Variants in PRKAR1B observed in about 807,000 individuals in gnomAD.
PRKAR1B encodes cAMP-dependent protein kinase type I-beta regulatory subunit.
A neutral mutation model predicts 46.5 loss-of-function variants in PRKAR1B; 22 were observed. The observed-to-expected ratio is 0.47, with a 90% CI of 0.34 to 0.68. The LOEUF is 0.68. Among genes scored for constraint, PRKAR1B ranks in the 30% least tolerant of loss-of-function variants. PRKAR1B has a pLI of 0.01. For missense variants in PRKAR1B, 445 were observed against 535.6 expected, an observed-to-expected ratio of 0.83 and a Z score of 1.67; for synonymous variants, 259 against 217.7, an observed-to-expected ratio of 1.19 and a Z score of -1.67.
chr7:550,557 A>G lies in PRKAR1B; in HGVS notation c.1019T>C (p.Val340Ala). 6.2e-7 allele frequency: 1 copy of G among 1,600,552 alleles called. No homozygotes were observed. The highest frequency in any genetic ancestry group is 8.5e-7 in the Non-Finnish European group (1 of 1,174,920). Residue 340 changes from valine to alanine, a missense_variant, in exon 11 of 11, where the codon GTG (valine) becomes GCG (alanine). Around this residue, in one of 5 missense-constraint regions of PRKAR1B, gnomAD observed 127 missense variants for 138.0 expected, o/e 0.92. Coordinates refer to ENST00000537384, the MANE Select transcript of PRKAR1B (RefSeq NM_001164760.2). ...LLNRPRAATVVARGPLKCVKL... is the reference protein window; with the variant it reads ...LLNRPRAATVAARGPLKCVKL... ...CACACACTTGAGGGGCCCCCGGGCC[A>G]CGACAGTGGCCGCCCGGGGCCGGTT...
At chr7:613,738 C>T (rs1193091696) in intron 4 of PRKAR1B, among the ~76,000 whole-genome samples, 1 of 152,234 alleles carries the variant, frequency 6.6e-6, no homozygotes, top group African/African-American at 2.4e-5. Flanking sequence ...ACCTGGAAAA[C>T]ACCATCAGCT....
At chr7:596,826 C>T (rs1781293645) in intron 6 of PRKAR1B, among the ~76,000 whole-genome samples, 2 of 152,252 alleles carry the variant, frequency 1.3e-5, no homozygotes, top group African/African-American at 2.4e-5. Flanking sequence ...CACTGGGCCC[C>T]GAAGGAGCCG....
intron 4 of PRKAR1B, among the ~76,000 whole-genome samples, chr7:656,086 G>A (rs1235156852): frequency 6.6e-6 from 1 of 152,214 alleles, no homozygotes; most frequent in Non-Finnish European, 1.5e-5. Flanking sequence ...CTACATCTGT[G>A]AGCACGATTT....
chr7:658,420 G>C (rs1024685159), intron 4 of PRKAR1B, among the ~76,000 whole-genome samples: 1 of 152,208 alleles, frequency 6.6e-6, no homozygotes, highest in African/African-American at 2.4e-5. Flanking sequence ...GGGCAATAGA[G>C]TGAGACCTTG....
chr7:588,754 T>C (rs1157082313), intron 7 of PRKAR1B, among the ~76,000 whole-genome samples: 22 of 54,682 alleles, frequency 4.0e-4, no homozygotes, highest in African/African-American at 8.8e-4. Context: ...GTGATGGTGA[T>C]GGTGATGGTG....
At chr7:654,284 A>G (rs560922263) in intron 4 of PRKAR1B, among the ~76,000 whole-genome samples, 94 of 150,778 alleles carry the variant, frequency 6.2e-4, no homozygotes, top group African/African-American at 2.2e-3. Flanking sequence ...CTTCACCACC[A>G]TCACCATCAT....
chr7:623,336 A>T (rs1471358030), intron 4 of PRKAR1B, among the ~76,000 whole-genome samples: 1 of 152,168 alleles, frequency 6.6e-6, no homozygotes, highest in Non-Finnish European at 1.5e-5. Flanking sequence ...AACCACAAAC[A>T]TGTGGTAACA....
Position 714,715 on chromosome 7 carries a change from G to A in PRKAR1B, c.-22-3188C>T, listed in dbSNP as rs1173509254. Among the ~76,000 whole-genome samples the A allele has an allele frequency of 6.6e-6, 1 of 152,216 alleles. No individual in the cohort carries two copies. The highest frequency in any genetic ancestry group is 1.5e-5 in the Non-Finnish European group (1 of 68,050). ...AGGCCTCTCTTGCTTCAGCCTTACT[G>A]GCTTGAGCCAAGGACAGACGCTTCC... On this transcript the variant is annotated intron_variant, in intron 1 of 10. Transcript: ENST00000537384. The surrounding 1 kb of genome is among the most constrained non-coding windows in gnomAD (Gnocchi z 4.3).
intron 2 of PRKAR1B, among the ~76,000 whole-genome samples, chr7:698,654 C>T (rs1224482922): frequency 2.6e-5 from 4 of 151,910 alleles, no homozygotes; most frequent in Admixed American, 1.3e-4. Context: ...AAACACACCC[C>T]TTACATCCAC....
chr7:647,923 G>A (rs188665204), intron 4 of PRKAR1B, among the ~76,000 whole-genome samples: 33 of 151,244 alleles, frequency 2.2e-4, no homozygotes, highest in Non-Finnish European at 4.6e-4. Flanking sequence ...GCTTTGAGAC[G>A]CTGCTTGAGG....
chr7:582,343 A>G (rs1780235289), intron 8 of PRKAR1B, among the ~76,000 whole-genome samples: 1 of 152,272 alleles, frequency 6.6e-6, no homozygotes, highest in Non-Finnish European at 1.5e-5. Context: ...GTGTGGGGAC[A>G]GAAATGCCGA....
intron 4 of PRKAR1B, among the ~76,000 whole-genome samples, chr7:626,046 A>G (rs1783381159): frequency 6.6e-6 from 1 of 151,762 alleles, no homozygotes; most frequent in Non-Finnish European, 1.5e-5. Context: ...GAAAAACTCT[A>G]TGACTACACA....
chr7:696,219 T>C (rs961337409), intron 2 of PRKAR1B, among the ~76,000 whole-genome samples: 1 of 151,926 alleles, frequency 6.6e-6, no homozygotes, highest in African/African-American at 2.4e-5. Context: ...TGTCTTGACC[T>C]CCCAAAGTGC....
intron 9 of PRKAR1B, among the ~76,000 whole-genome samples, chr7:570,652 C>G (rs1332552177): frequency 1.3e-5 from 2 of 152,182 alleles, no homozygotes; most frequent in African/African-American, 4.8e-5. Context: ...GGCAAAGCAG[C>G]TGGACTATCT....
chr7:580,935 C>T (rs958128800), intron 8 of PRKAR1B, among the ~76,000 whole-genome samples: 2 of 152,068 alleles, frequency 1.3e-5, no homozygotes, highest in African/African-American at 4.8e-5. Context: ...ACCCCAGGGC[C>T]GGGCAGATTC....
chr7:707,753 T>A lies in PRKAR1B; in HGVS notation c.177+3576A>T, dbSNP rs192313712. ...GTGAAGATGAAGGCAGGACCCGCGA[T>A]GCGTCTACCAGCCTGGACCACCCAC... On this transcript the variant is annotated intron_variant, in intron 2 of 10. Transcript: ENST00000537384. Among the ~76,000 whole-genome samples, 194 of 152,290 alleles carry A rather than the reference T, an allele frequency of 1.3e-3. 1 individual carries two copies. The highest frequency in any genetic ancestry group is 4.5e-3 in the African/African-American group (185 of 41,558).
intron 2 of PRKAR1B, among the ~76,000 whole-genome samples, chr7:687,416 T>A (rs983762950): frequency 2.0e-5 from 3 of 151,858 alleles, no homozygotes; most frequent in Admixed American, 6.6e-5. Context: ...CAAAAAAACA[T>A]AAAAATTGGA....
intron 2 of PRKAR1B, among the ~76,000 whole-genome samples, chr7:707,680 GA>G (rs1780401726): frequency 6.6e-6 from 1 of 152,172 alleles, no homozygotes; most frequent in African/African-American, 2.4e-5. Context: ...GTGTCCCTAT[GA>G]GAAGGGGAAA....
At chr7:672,627 G>T (rs542970399) in intron 4 of PRKAR1B, among the ~76,000 whole-genome samples, 26 of 151,924 alleles carry the variant, frequency 1.7e-4, no homozygotes, top group Non-Finnish European at 2.8e-4. Context: ...TAGCACTTTG[G>T]GGGGCTGAGG....
Sources: allele counts gnomAD v4.1 joint callset (sites outside exome capture counted in the v4.1 genomes callset), GRCh38; gene constraint gnomAD v4.1.1; regional missense constraint gnomAD v4.1.1; non-coding constraint Gnocchi (gnomAD v3.1); transcripts MANE v1.5; gene names NCBI Gene and HGNC (gene_info 2026-07-23, HGNC 2026-07-21).